ROBO1: variants seen among roughly 807,000 people sequenced by gnomAD.
ROBO1 encodes the protein roundabout homolog 1.
In ROBO1, 149 loss-of-function variants were observed where a neutral mutation model predicts 195.9. The observed-to-expected ratio is 0.76, with a 90% CI of 0.67 to 0.87. The LOEUF (loss-of-function observed/expected upper bound fraction) is 0.87, where lower values mean the gene tolerates loss of function less well. Ranked by LOEUF, ROBO1 falls within the 40% of genes least tolerant of loss-of-function variation. The pLI is 0.00. For synonymous variants in ROBO1, 816 were observed against 733.2 expected (o/e 1.11, Z -1.82); for missense variants, 1,933 against 2,068.3 (o/e 0.93, Z 1.27).
intron 4 of ROBO1, among the ~76,000 whole-genome samples, chr3:78,841,929 C>G (rs184434637): frequency 3.0e-4 from 46 of 152,024 alleles, no homozygotes; most frequent in Admixed American, 2.7e-3. Context: ...CCAATTCAAA[C>G]TCAATCTTTA....
chr3:79,623,021 C>T (rs1398981953), intron 1 of ROBO1, among the ~76,000 whole-genome samples: 2 of 152,070 alleles, frequency 1.3e-5, no homozygotes, highest in Non-Finnish European at 2.9e-5. Flanking sequence ...GGTGCAAGAG[C>T]GAATCAGATG....
chr3:78,944,300 T>A (rs577045148), intron 3 of ROBO1, among the ~76,000 whole-genome samples: 4 of 152,244 alleles, frequency 2.6e-5, no homozygotes, highest in Admixed American at 2.6e-4. Flanking sequence ...ACTGGAGGTG[T>A]TCACTTTGCA....
At chr3:78,921,063 G>A (rs1054231109) in intron 4 of ROBO1, among the ~76,000 whole-genome samples, 2 of 152,108 alleles carry the variant, frequency 1.3e-5, no homozygotes, top group African/African-American at 4.8e-5. Context: ...TCACTGAATT[G>A]TTCTGAGGAT....
intron 2 of ROBO1, among the ~76,000 whole-genome samples, chr3:79,265,481 T>C (rs992973550): frequency 3.3e-5 from 5 of 151,424 alleles, no homozygotes; most frequent in Admixed American, 1.3e-4. Context: ...ACTAATGGAG[T>C]TTAATATCTA....
intron 2 of ROBO1, among the ~76,000 whole-genome samples, chr3:79,380,582 A>C (rs759564961): frequency 9.9e-5 from 15 of 152,106 alleles, no homozygotes; most frequent in Non-Finnish European, 2.1e-4. Context: ...TAGGTTAGCA[A>C]AATTTTATTT....
intron 3 of ROBO1, among the ~76,000 whole-genome samples, chr3:79,092,195 A>G (rs969100584): frequency 6.6e-6 from 1 of 152,140 alleles, no homozygotes; most frequent in Non-Finnish European, 1.5e-5. Context: ...TTCAGATGGG[A>G]TGTAGGGAGA....
chr3:78,877,204 T>A (rs757593932), intron 4 of ROBO1, among the ~76,000 whole-genome samples: 3 of 152,146 alleles, frequency 2.0e-5, no homozygotes, highest in Non-Finnish European at 4.4e-5. Flanking sequence ...ATACATATAA[T>A]ATCCACATTT....
intron 4 of ROBO1, among the ~76,000 whole-genome samples, chr3:78,825,598 T>C (rs2031520142): frequency 6.6e-6 from 1 of 152,126 alleles, no homozygotes; most frequent in East Asian, 1.9e-4. Flanking sequence ...TTAAATCCTA[T>C]CATTATGAAG....
At chr3:79,551,260 A>T (rs919318897) in intron 2 of ROBO1, among the ~76,000 whole-genome samples, 1 of 151,808 alleles carries the variant, frequency 6.6e-6, no homozygotes, top group African/African-American at 2.4e-5. Context: ...ATATGTATAC[A>T]TGTGCCATGC....
chr3:79,410,429 A>G (rs900180697), intron 2 of ROBO1, among the ~76,000 whole-genome samples: 2 of 152,198 alleles, frequency 1.3e-5, no homozygotes, highest in South Asian at 2.1e-4. Flanking sequence ...AATAAAAACA[A>G]AAATAAAACA....
chr3:79,138,680 A>G (rs2080463387), intron 2 of ROBO1, among the ~76,000 whole-genome samples: 1 of 151,952 alleles, frequency 6.6e-6, no homozygotes, highest in African/African-American at 2.4e-5. Context: ...TGGATATAAA[A>G]TGTAATAAAT....
intron 2 of ROBO1, among the ~76,000 whole-genome samples, chr3:79,247,476 G>T (rs1370616400): frequency 1.3e-5 from 2 of 151,766 alleles, no homozygotes; most frequent in Admixed American, 6.6e-5. Context: ...CCTCGAAAAG[G>T]TATCTAGAGA....
chr3:79,578,696 G>A (rs939688553), intron 2 of ROBO1, among the ~76,000 whole-genome samples: 25 of 152,128 alleles, frequency 1.6e-4, no homozygotes, highest in African/African-American at 6.0e-4. Context: ...ATCATAATAT[G>A]CATTTCAGCT....
At chr3:79,314,883 CT>C (rs1467927889) in intron 2 of ROBO1, among the ~76,000 whole-genome samples, 1 of 152,124 alleles carries the variant, frequency 6.6e-6, no homozygotes, top group African/African-American at 2.4e-5. Context: ...TTCTTCTATT[CT>C]AATAGCTGTT....
In ROBO1 at chr3:79,402,894, T is replaced by G. The variant is rs867531008; in HGVS notation, c.88+186930A>C. Among the ~76,000 whole-genome samples, 2 of 151,992 alleles carry G rather than the reference T, an allele frequency of 1.3e-5. 1 individual carries two copies. Among genetic ancestry groups the G allele is most frequent in the Admixed American group, 1.3e-4 (2 of 15,228 alleles). On this transcript the variant is annotated intron_variant, in intron 2 of 30. Transcript: ENST00000464233. ...AGCCTTTATTTATAGTATAAGAAAT[T>G]TCTTTAGCAGTGAATGGTGAAATTT... is the stretch of plus-strand genomic sequence containing the variant.
At chr3:78,859,973 A>G (rs986952989) in intron 4 of ROBO1, among the ~76,000 whole-genome samples, 2 of 151,684 alleles carry the variant, frequency 1.3e-5, no homozygotes, top group Non-Finnish European at 2.9e-5. Flanking sequence ...CAGCTACTCG[A>G]GAGGCTGAGG....
chr3:79,413,603 T>C (rs1360533029), intron 2 of ROBO1, among the ~76,000 whole-genome samples: 2 of 152,172 alleles, frequency 1.3e-5, no homozygotes, highest in Non-Finnish European at 2.9e-5. Context: ...GCAATTATTA[T>C]GAGAAATCTC....
In ROBO1 at chr3:79,319,716, T is replaced by C. The variant is rs112501804; in HGVS notation, c.89-194177A>G. ...GTATTAAAATACTAAAGCCCTAATG[T>C]TAAGCTTTGAGATATCCTGTTCTGT... is the stretch of plus-strand genomic sequence containing the variant. On this transcript the variant is annotated intron_variant, in intron 2 of 30. Transcript: ENST00000464233. Among the ~76,000 whole-genome samples, 125 of 152,306 alleles carry C rather than the reference T, an allele frequency of 8.2e-4. 1 individual carries two copies. Among genetic ancestry groups the C allele is most frequent in the African/African-American group, 2.9e-3 (121 of 41,576 alleles).
chr3:79,277,257 T>A (rs940291495), intron 2 of ROBO1, among the ~76,000 whole-genome samples: 13 of 152,088 alleles, frequency 8.5e-5, no homozygotes, highest in African/African-American at 1.4e-4. Context: ...GAAAATGTAG[T>A]ACATATACAC....
Sources: allele counts gnomAD v4.1 joint callset (sites outside exome capture counted in the v4.1 genomes callset), GRCh38; gene constraint gnomAD v4.1.1; transcripts MANE v1.5; gene names NCBI Gene and HGNC (gene_info 2026-07-23, HGNC 2026-07-21).